Variants in PGCKA1 observed in about 807,000 individuals in gnomAD.
PGCKA1 encodes the protein PDCD10 and GCKIII kinases-associated protein 1.
At chr4:37,521,364 C>T in the PGCKA1 span, among the ~76,000 whole-genome samples, 1,428 of 152,256 alleles carry the variant, frequency 9.4e-3, 17 homozygotes, top group Admixed American at 0.032. Context: ...CCACCCAGGG[C>T]CTGGGAGACC....
At chr4:37,500,690 T>C in the PGCKA1 span, among the ~76,000 whole-genome samples, 2 of 152,216 alleles carry the variant, frequency 1.3e-5, no homozygotes, top group African/African-American at 4.8e-5. Context: ...TTTTCTGCCT[T>C]GATGGTCTGT....
the PGCKA1 span, chr4:37,454,141 TTTTAAG>T: frequency 6.5e-6 from 1 of 152,796 alleles, no homozygotes; most frequent in Non-Finnish European, 1.5e-5. Context: ...AGTCGCCTAC[TTTTAAG>T]TTTAATTTCT....
chr4:37,572,415 A>T, the PGCKA1 span, among the ~76,000 whole-genome samples: 8,478 of 152,272 alleles, frequency 0.056, 339 homozygotes, highest in Non-Finnish European at 0.078. Flanking sequence ...CTAACAGAAA[A>T]GTTGCAAGAA....
chr4:37,563,299 A>G, the PGCKA1 span, among the ~76,000 whole-genome samples: 6 of 152,184 alleles, frequency 3.9e-5, no homozygotes, highest in South Asian at 2.1e-4. Context: ...CAAGATCAAG[A>G]AGTCGGCAAA....
the PGCKA1 span, among the ~76,000 whole-genome samples, chr4:37,526,203 G>A: frequency 1.3e-5 from 2 of 152,212 alleles, no homozygotes. Context: ...ATTGCTTCGT[G>A]TGTTGGATTT....
At chr4:37,518,789 T>C in the PGCKA1 span, among the ~76,000 whole-genome samples, 1 of 152,352 alleles carries the variant, frequency 6.6e-6, no homozygotes, top group East Asian at 1.9e-4. Context: ...ATCCAATTTG[T>C]CCATTTTTGT....
At chr4:37,496,236 T>C in the PGCKA1 span, among the ~76,000 whole-genome samples, 1 of 152,206 alleles carries the variant, frequency 6.6e-6, no homozygotes, top group East Asian at 1.9e-4. Flanking sequence ...GTCTTTAGGG[T>C]TTTTATAGTT....
chr4:37,490,324 G>C, the PGCKA1 span, among the ~76,000 whole-genome samples: 1 of 151,944 alleles, frequency 6.6e-6, no homozygotes, highest in African/African-American at 2.4e-5. Context: ...TAATCAACCC[G>C]GCATTTTTCT....
the PGCKA1 span, among the ~76,000 whole-genome samples, chr4:37,496,452 A>G: frequency 3.9e-5 from 6 of 152,058 alleles, no homozygotes; most frequent in Admixed American, 2.6e-4. Context: ...ATTCTGTTCC[A>G]TTGGTCTGTG....
the PGCKA1 span, among the ~76,000 whole-genome samples, chr4:37,474,660 T>A: frequency 6.6e-6 from 1 of 152,160 alleles, no homozygotes; most frequent in Non-Finnish European, 1.5e-5. Flanking sequence ...TACTATGTAC[T>A]AGGTACTTTA....
chr4:37,593,416 C>T, the PGCKA1 span, among the ~76,000 whole-genome samples: 1 of 152,178 alleles, frequency 6.6e-6, no homozygotes, highest in Admixed American at 6.5e-5. Flanking sequence ...TGGTTTCCTT[C>T]TCAAGATCAC....
chr4:37,584,626 C>T, the PGCKA1 span, among the ~76,000 whole-genome samples: 39 of 152,266 alleles, frequency 2.6e-4, no homozygotes, highest in African/African-American at 8.2e-4. Flanking sequence ...TTTTCGAGTA[C>T]GGCTGTTAAA....
the PGCKA1 span, among the ~76,000 whole-genome samples, chr4:37,572,073 T>C: frequency 3.4e-4 from 46 of 134,742 alleles, no homozygotes; most frequent in Admixed American, 7.4e-4. Context: ...CTTTTTTTTT[T>C]TTTTTTTGAG....
the PGCKA1 span, among the ~76,000 whole-genome samples, chr4:37,563,464 G>GCT: frequency 1.3e-5 from 2 of 151,326 alleles, no homozygotes; most frequent in Non-Finnish European, 3.0e-5. Context: ...AGGAGGGAGT[G>GCT]CTCTCTCTCC....
At chr4:37,536,521 C>T in the PGCKA1 span, among the ~76,000 whole-genome samples, 1 of 152,164 alleles carries the variant, frequency 6.6e-6, no homozygotes, top group Non-Finnish European at 1.5e-5. Flanking sequence ...AATCCGCTTT[C>T]AAGCTCACTC....
At chr4:37,489,911 G>A in the PGCKA1 span, among the ~76,000 whole-genome samples, 3 of 151,920 alleles carry the variant, frequency 2.0e-5, no homozygotes, top group African/African-American at 4.8e-5. Context: ...TGTAGCCAAC[G>A]CATAATATGT....
the PGCKA1 span, among the ~76,000 whole-genome samples, chr4:37,511,399 C>T: frequency 6.6e-6 from 1 of 152,112 alleles, no homozygotes; most frequent in Non-Finnish European, 1.5e-5. Flanking sequence ...GGCCTAAGAG[C>T]TCTTTAGTCA....
the PGCKA1 span, among the ~76,000 whole-genome samples, chr4:37,488,915 G>A: frequency 6.6e-6 from 1 of 152,042 alleles, no homozygotes; most frequent in South Asian, 2.1e-4. Flanking sequence ...CTTATAAGTG[G>A]GTTTTTTTCA....
At chr4:37,534,793 C>T in the PGCKA1 span, among the ~76,000 whole-genome samples, 2 of 152,120 alleles carry the variant, frequency 1.3e-5, no homozygotes, top group Non-Finnish European at 2.9e-5. Flanking sequence ...GTGATGTAAT[C>T]AACTTCTAAG....
Sources: gnomAD v4.1 joint callset for allele counts (sites outside exome capture counted in the v4.1 genomes callset) on GRCh38, gnomAD v4.1.1 for gene constraint, MANE v1.5 for transcripts, NCBI Gene and HGNC (gene_info 2026-07-23, HGNC 2026-07-21) for gene names.